The following IL15 variants were observed in gnomAD, a reference collection of about 807,000 sequenced individuals.
IL15 encodes interleukin 15.
IL15 carries 11 observed loss-of-function variants against 19.6 expected under a neutral mutation model. That is an observed-to-expected ratio of 0.56 (90% CI 0.35 to 0.93). The LOEUF (loss-of-function observed/expected upper bound fraction) is 0.93, where lower values mean the gene tolerates loss of function less well. Among genes scored for constraint, IL15 ranks in the 40% least tolerant of loss-of-function variants. IL15 has a pLI of 0.01. For missense variants in IL15, 197 were observed against 186.5 expected, an observed-to-expected ratio of 1.06 and a Z score of -0.33; for synonymous variants, 58 against 59.6, an observed-to-expected ratio of 0.97 and a Z score of 0.12.
chr4:141,647,995 T>C (rs535620770), intron 1 of IL15, among the ~76,000 whole-genome samples: 1 of 152,198 alleles, frequency 6.6e-6, no homozygotes, highest in East Asian at 1.9e-4. Flanking sequence ...TGCATTCTTA[T>C]GTGTCTAACA....
chr4:141,733,040 A>C lies in IL15; in HGVS notation c.*192A>C, dbSNP rs966156048. 25 of 667,260 alleles carry C rather than the reference A, an allele frequency of 3.7e-5. No individual in the cohort carries two copies. Among genetic ancestry groups the C allele is most frequent in the Middle Eastern group, 8.7e-4 (2 of 2,302 alleles). The allele number at this position is 667,260 out of a possible 1,614,324, so 41.3% of individuals were successfully genotyped here. On this transcript the variant is annotated 3_prime_UTR_variant, in exon 8 of 8. Transcript: ENST00000320650. Reference sequence around the variant, plus strand: ...AATGTCATTGAGTAATATAGTGACTATGAACTTCTCTCAGACTTACTTTAC... The same window carrying C: ...AATGTCATTGAGTAATATAGTGACTCTGAACTTCTCTCAGACTTACTTTAC...
chr4:141,702,044 G>A (rs1004235091), intron 2 of IL15, among the ~76,000 whole-genome samples: 8 of 152,188 alleles, frequency 5.3e-5, no homozygotes, highest in African/African-American at 1.9e-4. Context: ...TGTGTCCGCA[G>A]TGATGTACCA....
chr4:141,647,929 C>G lies in IL15; in HGVS notation c.-221-8257C>G, dbSNP rs546645987. Among the ~76,000 whole-genome samples the G allele has an allele frequency of 2.0e-5, 3 of 152,060 alleles. No homozygotes were observed. In the East Asian group the frequency reaches 5.8e-4, roughly 29 times the overall value. ...TCTCCGGCAGGTAAATGATAAAGGT[C>G]ATAGATGAGAAGAATTGTGATGGTG... On this transcript the variant is annotated intron_variant, in intron 1 of 7. Coordinates refer to ENST00000320650, the MANE Select transcript of IL15 (RefSeq NM_000585.5).
At chr4:141,712,304 T>C (rs1729739252) in intron 2 of IL15, among the ~76,000 whole-genome samples, 1 of 152,142 alleles carries the variant, frequency 6.6e-6, no homozygotes, top group African/African-American at 2.4e-5. Flanking sequence ...ATATCATTGA[T>C]TGTTTCCGGA....
chr4:141,665,113 A>G (rs1214297943), intron 2 of IL15, among the ~76,000 whole-genome samples: 1 of 151,842 alleles, frequency 6.6e-6, no homozygotes, highest in African/African-American at 2.4e-5. Flanking sequence ...TATCATTTTT[A>G]TTTCACCTTT....
At chr4:141,679,091 A>C (rs1049547004) in intron 2 of IL15, among the ~76,000 whole-genome samples, 1 of 152,220 alleles carries the variant, frequency 6.6e-6, no homozygotes, top group African/African-American at 2.4e-5. Context: ...CTCCCAGATT[A>C]CAACTAGCTC....
intron 2 of IL15, among the ~76,000 whole-genome samples, chr4:141,694,407 T>C (rs753934496): frequency 3.9e-5 from 6 of 152,160 alleles, no homozygotes; most frequent in African/African-American, 9.7e-5. Flanking sequence ...TTTCTCCAGG[T>C]ACAGTCTGAT....
chr4:141,672,625 G>A (rs751100667), intron 2 of IL15, among the ~76,000 whole-genome samples: 1 of 152,090 alleles, frequency 6.6e-6, no homozygotes, highest in African/African-American at 2.4e-5. Flanking sequence ...GGTAAAATAA[G>A]GGTATTCTAA....
At chr4:141,643,112 C>G (rs1333416701) in intron 1 of IL15, among the ~76,000 whole-genome samples, 1 of 152,072 alleles carries the variant, frequency 6.6e-6, no homozygotes, top group Non-Finnish European at 1.5e-5. Flanking sequence ...ATAAGGAAAC[C>G]AGCTAGAAAT....
chr4:141,724,275 A>G (rs1378269388), intron 5 of IL15, among the ~76,000 whole-genome samples: 2 of 152,106 alleles, frequency 1.3e-5, no homozygotes, highest in Non-Finnish European at 2.9e-5. Flanking sequence ...ATGAAAAAAA[A>G]TGAAATACAG....
At chr4:141,668,259 G>A (rs972880465) in intron 2 of IL15, among the ~76,000 whole-genome samples, 2 of 152,292 alleles carry the variant, frequency 1.3e-5, no homozygotes, top group South Asian at 4.2e-4. Flanking sequence ...AGACACTGCA[G>A]CTCTCCTGTG....
chr4:141,685,571 C>T (rs909793567), intron 2 of IL15, among the ~76,000 whole-genome samples: 4 of 151,988 alleles, frequency 2.6e-5, no homozygotes, highest in African/African-American at 7.3e-5. Flanking sequence ...CTATTTTTTC[C>T]GAGATACAAA....
chr4:141,706,807 G>A (rs572166091), intron 2 of IL15, among the ~76,000 whole-genome samples: 1 of 152,020 alleles, frequency 6.6e-6, no homozygotes, highest in South Asian at 2.1e-4. Context: ...TTGTATGTGA[G>A]TTAATACATT....
chr4:141,711,438 A>G (rs951640952), intron 2 of IL15, among the ~76,000 whole-genome samples: 1 of 152,118 alleles, frequency 6.6e-6, no homozygotes, highest in Admixed American at 6.5e-5. Context: ...AAGCTAGTGC[A>G]GCTAAGATGC....
chr4:141,667,071 C>G (rs556951265), intron 2 of IL15, among the ~76,000 whole-genome samples: 1 of 152,168 alleles, frequency 6.6e-6, no homozygotes, highest in Non-Finnish European at 1.5e-5. Flanking sequence ...CATCCACGTG[C>G]GGGTGGGTGG....
Position 141,660,205 on chromosome 4 carries a change from C to T in IL15, c.-100+3898C>T, listed in dbSNP as rs146542639. Among the ~76,000 whole-genome samples, 323 of 152,170 alleles carry T rather than the reference C, an allele frequency of 2.1e-3. 2 individuals are homozygous for T. The highest frequency in any genetic ancestry group is 3.9e-3 in the Non-Finnish European group (263 of 68,002). On this transcript the variant is annotated intron_variant, in intron 2 of 7. Coordinates refer to ENST00000320650, the MANE Select transcript of IL15 (RefSeq NM_000585.5). Reference sequence around the variant, plus strand: ...TTCACTGTGAAACATTTCTGCCAACCGAATCTCACTTGTAGTCTTTATCAT... The same window carrying T: ...TTCACTGTGAAACATTTCTGCCAACTGAATCTCACTTGTAGTCTTTATCAT...
Position 141,684,213 on chromosome 4 carries a change from CT to C in IL15, c.-100+27914del, listed in dbSNP as rs577702342. On this transcript the variant is annotated intron_variant, in intron 2 of 7. Coordinates refer to ENST00000320650, the MANE Select transcript of IL15 (RefSeq NM_000585.5). ...TTCTCACTCTTCAGTACTCAGTAGT[CT>C]TTTTTTTCTGTTAAAAGATTGACCA... 2.0e-5 allele frequency among the ~76,000 whole-genome samples: 3 copies of C among 151,818 alleles called. No individual in the cohort carries two copies. The East Asian group carries it at 5.8e-4, about 29-fold the overall frequency.
intron 7 of IL15, among the ~76,000 whole-genome samples, chr4:141,731,071 A>G (rs1730435737): frequency 6.6e-6 from 1 of 152,136 alleles, no homozygotes; most frequent in Admixed American, 6.6e-5. Context: ...AAGGGTATCT[A>G]GGGACATATG....
intron 2 of IL15, among the ~76,000 whole-genome samples, chr4:141,703,778 T>C (rs1442606781): frequency 6.6e-6 from 1 of 151,504 alleles, no homozygotes; most frequent in Non-Finnish European, 1.5e-5. Flanking sequence ...TTCACTTCCT[T>C]GGTTAAGTTT....
Sources: allele counts gnomAD v4.1 joint callset (sites outside exome capture counted in the v4.1 genomes callset), GRCh38; gene constraint gnomAD v4.1.1; transcripts MANE v1.5; gene names NCBI Gene and HGNC (gene_info 2026-07-23, HGNC 2026-07-21).